PWWP2B: variants seen among roughly 807,000 people sequenced by gnomAD.
The protein encoded by PWWP2B is PWWP domain-containing protein 2B.
PWWP2B carries 9 observed loss-of-function variants against 15.5 expected under a neutral mutation model. The ratio of observed to expected loss-of-function variants is 0.58; its 90% CI spans 0.35 to 1.02. The LOEUF is 1.02. Ranked by LOEUF, PWWP2B falls within the 50% of genes least tolerant of loss-of-function variation. The pLI, the probability that PWWP2B is intolerant of heterozygous loss-of-function variation, is 0.02. For missense variants in PWWP2B, 864 were observed against 865.3 expected (o/e 1.00, Z 0.02); for synonymous variants, 474 against 403.6 (o/e 1.17, Z -2.09).
chr10:132,405,228 C>T lies in PWWP2B; in HGVS notation c.728C>T (p.Pro243Leu), dbSNP rs774426060. 30 of 1,602,238 alleles carry T rather than the reference C, an allele frequency of 1.9e-5. No homozygotes were observed. Among genetic ancestry groups the T allele is most frequent in the Admixed American group, 1.2e-4 (7 of 58,716 alleles). ...GAGAGGCGCGAGGAGGACAGGGCCC[C>T]GGCAGAGCAGGTCCCGCGGAGCCCG... ...KRERREEDRA[P>L]AEQVPRSPVI... Residue 243 changes from proline to leucine, a missense_variant, in exon 2 of 3, where the codon CCG becomes CTG. Coordinates refer to ENST00000305233, the MANE Select transcript of PWWP2B (RefSeq NM_138499.4).
At chr10:132,401,730 C>A (rs2069618855) in intron 1 of PWWP2B, among the ~76,000 whole-genome samples, 1 of 152,264 alleles carries the variant, frequency 6.6e-6, no homozygotes, top group African/African-American at 2.4e-5. Context: ...ACCCACTCAG[C>A]CTGGAGGCAC....
chr10:132,417,007 T>TCCCCCATA, intron 2 of PWWP2B, 54 bp from the exon 3 acceptor site: 1 of 1,604,604 alleles, frequency 6.2e-7, no homozygotes, highest in Non-Finnish European at 8.5e-7. Context: ...GAGGGGCTGG[T>TCCCCCATA]CCCCCATACT....
At chr10:132,397,900 G>C (rs1263774487) in intron 1 of PWWP2B, among the ~76,000 whole-genome samples, 9 of 152,176 alleles carry the variant, frequency 5.9e-5, no homozygotes, top group African/African-American at 2.2e-4. Context: ...GGGGCGTGAA[G>C]AGGTACAAGC....
intron 2 of PWWP2B, 36 bp downstream of exon 2, chr10:132,406,325 G>A (rs757886890): frequency 1.1e-5 from 17 of 1,530,170 alleles, no homozygotes; most frequent in Non-Finnish European, 1.2e-5. Flanking sequence ...TCCCCCCAGC[G>A]GCCCAAGCTC....
chr10:132,407,671 C>T (rs2069718024), intron 2 of PWWP2B, among the ~76,000 whole-genome samples: 1 of 152,220 alleles, frequency 6.6e-6, no homozygotes, highest in Admixed American at 6.5e-5. Context: ...CTGCCTTGCT[C>T]TCCTGAGGCC....
At chr10:132,406,633 C>T (rs34941889) in intron 2 of PWWP2B, among the ~76,000 whole-genome samples, 33,379 of 152,224 alleles carry the variant, frequency 0.22, 3,865 homozygotes, top group African/African-American at 0.24. Context: ...TTGACGGATC[C>T]TGGGGAGGGG....
At chr10:132,415,814 G>A (rs951513426) in intron 2 of PWWP2B, among the ~76,000 whole-genome samples, 1 of 152,228 alleles carries the variant, frequency 6.6e-6, no homozygotes, top group Non-Finnish European at 1.5e-5. Flanking sequence ...CCATGTAGAG[G>A]ATTATAGATG....
chr10:132,413,093 C>G (rs1374524072), intron 2 of PWWP2B, among the ~76,000 whole-genome samples: 1 of 152,228 alleles, frequency 6.6e-6, no homozygotes, highest in African/African-American at 2.4e-5. Flanking sequence ...GCTCTGCTTC[C>G]TGCTTTCTGC....
intron 2 of PWWP2B, among the ~76,000 whole-genome samples, chr10:132,407,469 C>T (rs781096274): frequency 3.9e-4 from 60 of 152,326 alleles, no homozygotes; most frequent in African/African-American, 1.2e-3. Flanking sequence ...TGACCGTCCT[C>T]GGGCCTTTGT....
intron 2 of PWWP2B, 135 bp downstream of exon 2, chr10:132,406,424 C>T (rs2069699667): frequency 5.5e-6 from 4 of 723,298 alleles, no homozygotes; most frequent in Non-Finnish European, 8.8e-6. Context: ...CTTGGGGCCC[C>T]AGCCGTCTGG....
At chr10:132,404,357 G>A (rs2069652633) in intron 1 of PWWP2B, among the ~76,000 whole-genome samples, 1 of 152,170 alleles carries the variant, frequency 6.6e-6, no homozygotes, top group African/African-American at 2.4e-5. Flanking sequence ...CTCTGGGCCT[G>A]TCTCTGGCCA....
intron 1 of PWWP2B, among the ~76,000 whole-genome samples, chr10:132,402,657 G>A (rs867335427): frequency 5.3e-5 from 8 of 152,252 alleles, no homozygotes; most frequent in Admixed American, 1.3e-4. Flanking sequence ...ATTTGGGTAC[G>A]GAGGCCAGTT....
rs189163342 is a variant in PWWP2B at position 132,411,119 on chromosome 10, T to G, written c.*16+4830T>G. The stretch of plus-strand genomic sequence containing the variant: ...CCACAGGCGTTTATTCCCACGCCTC[T>G]GGGGGTCAGGAGCTTGAGTCAAGGC... On this transcript the variant is annotated intron_variant, in intron 2 of 2. Transcript: ENST00000305233. Among the ~76,000 whole-genome samples, 1,129 of 152,274 alleles carry G rather than the reference T, an allele frequency of 7.4e-3. 14 individuals are homozygous for G. Among genetic ancestry groups the G allele is most frequent in the African/African-American group, 0.026 (1,073 of 41,554 alleles).
chr10:132,410,718 G>A (rs1469075657), intron 2 of PWWP2B, among the ~76,000 whole-genome samples: 3 of 152,210 alleles, frequency 2.0e-5, no homozygotes, highest in Non-Finnish European at 4.4e-5. Context: ...TCCTGCACAG[G>A]CACCTCCTGT....
At position 132,405,031 on chromosome 10, in the gene PWWP2B, C is replaced by CTGTGAGAAG. The variant is rs1337989929; in HGVS notation, c.534_542dup (p.Glu179_Cys181dup). 6.6e-7 allele frequency: 1 copy of CTGTGAGAAG among 1,525,586 alleles called. No individual in the cohort carries two copies. Among genetic ancestry groups the CTGTGAGAAG allele is most frequent in the Admixed American group, 2.0e-5 (1 of 49,552 alleles). The allele number at this position is 1,525,586 out of a possible 1,614,324, so 94.5% of individuals were successfully genotyped here. On this transcript the variant is annotated inframe_insertion, in exon 2 of 3. Transcript: ENST00000305233. ...TCCGCCTGCGGCCGCGCCAGGTGCT[C>CTGTGAGAAG]TGTGAGAAGTGCAAGAGCACGCTGA...
At position 132,405,385 on chromosome 10, in the gene PWWP2B, G is replaced by A. The variant is rs1263418969; in HGVS notation, c.885G>A (p.Glu295=). 1.2e-6 allele frequency: 2 copies of A among 1,611,078 alleles called. No individual in the cohort carries two copies. Among genetic ancestry groups the A allele is most frequent in the African/African-American group, 1.3e-5 (1 of 75,036 alleles). The change falls in exon 2 of 3, where the codon GAG becomes GAA. Residue 295 remains glutamate (E), a synonymous_variant. Transcript: ENST00000305233. Reference sequence around the variant, plus strand: ...AGGACGACGGCAGCCAGGACCCCGAGGTGCTGGACAGAGAGTCCCGGGACC... The same window carrying A: ...AGGACGACGGCAGCCAGGACCCCGAAGTGCTGGACAGAGAGTCCCGGGACC... ...APQDDGSQDP[E]VLDRESRDRP...
chr10:132,416,449 C>T (rs369922194), intron 2 of PWWP2B, among the ~76,000 whole-genome samples: 1 of 152,278 alleles, frequency 6.6e-6, no homozygotes, highest in South Asian at 2.1e-4. Flanking sequence ...CGTCTGTCCC[C>T]GCCAGGTCTT....
intron 2 of PWWP2B, among the ~76,000 whole-genome samples, chr10:132,410,681 A>G (rs115501574): frequency 0.016 from 2,396 of 152,034 alleles, 52 homozygotes; most frequent in African/African-American, 0.053. Flanking sequence ...TGGTCCTGGG[A>G]GCTGTGAGGG....
chr10:132,410,135 C>G (rs2069758201), intron 2 of PWWP2B, among the ~76,000 whole-genome samples: 1 of 151,442 alleles, frequency 6.6e-6, no homozygotes, highest in Admixed American at 6.6e-5. Flanking sequence ...GCTGTGAGGA[C>G]AGGGAGAGTG....
Sources: gnomAD v4.1 joint callset for allele counts (sites outside exome capture counted in the v4.1 genomes callset) on GRCh38, gnomAD v4.1.1 for gene constraint, MANE v1.5 for transcripts, NCBI Gene and HGNC (gene_info 2026-07-23, HGNC 2026-07-21) for gene names.